ATXN3: variants seen among roughly 807,000 people sequenced by gnomAD.
The protein encoded by ATXN3 is ataxin 3.
Under a neutral mutation model 58.2 loss-of-function variants are expected in ATXN3, and 28 were observed. That is an observed-to-expected ratio of 0.48 (90% CI 0.36 to 0.66). The LOEUF is 0.66. ATXN3 is among the 30% of genes least tolerant of loss of function. The pLI is 0.00. For missense variants in ATXN3, 321 were observed against 422.1 expected (o/e 0.76, Z 2.10); for synonymous variants, 113 against 138.5 (o/e 0.82, Z 1.29).
intron 1 of ATXN3, 133 bp downstream of exon 1, chr14:92,106,396 G>T (rs922593586): frequency 1.8e-6 from 2 of 1,136,002 alleles, no homozygotes; most frequent in Non-Finnish European, 2.6e-6. Flanking sequence ...GGAGGCTGCG[G>T]CGTCGCCCCT....
At chr14:92,106,333 C>T (rs2068375111) in intron 1 of ATXN3, among the ~76,000 whole-genome samples, 196 bp downstream of exon 1, 1 of 151,878 alleles carries the variant, frequency 6.6e-6, no homozygotes. Flanking sequence ...GGGCGGGGGC[C>T]GCGGGGGAAG....
At chr14:92,057,449 G>A (rs1433662585), downstream of ATXN3, among the ~76,000 whole-genome samples, 1 of 147,208 alleles carries the variant, frequency 6.8e-6, no homozygotes, top group African/African-American at 2.5e-5. Context: ...GGGCGCGGGG[G>A]TGGACATGGC....
At chr14:92,082,703 C>T (rs1190210540) in intron 7 of ATXN3, among the ~76,000 whole-genome samples, 4 of 141,126 alleles carry the variant, frequency 2.8e-5, no homozygotes, top group Admixed American at 7.6e-5. Flanking sequence ...GGCTGGAGTG[C>T]GGTAGTGTGA....
chr14:92,053,690 G>A (rs763926435), downstream of ATXN3, among the ~76,000 whole-genome samples: 1 of 151,768 alleles, frequency 6.6e-6, no homozygotes, highest in Non-Finnish European at 1.5e-5. Context: ...GTAGAGATGA[G>A]GTCTCCCTGT....
At chr14:92,078,241 T>C (rs1362165908) in intron 9 of ATXN3, among the ~76,000 whole-genome samples, 1 of 150,934 alleles carries the variant, frequency 6.6e-6, no homozygotes, top group East Asian at 2.0e-4. Context: ...ACCTCAGCCT[T>C]CCAAAGTGCA....
intron 1 of ATXN3, among the ~76,000 whole-genome samples, chr14:92,103,087 C>T (rs1413147305): frequency 6.7e-6 from 1 of 148,542 alleles, no homozygotes; most frequent in Non-Finnish European, 1.5e-5. Flanking sequence ...AGTAACTGCA[C>T]CAAGAAACAT....
chr14:92,102,226 G>C (rs904785388), intron 1 of ATXN3, among the ~76,000 whole-genome samples: 4 of 136,484 alleles, frequency 2.9e-5, no homozygotes, highest in Non-Finnish European at 5.0e-5. Flanking sequence ...AGAAAAGAAA[G>C]AAGGAAGGAA....
At chr14:92,101,957 A>G (rs971906460) in intron 1 of ATXN3, among the ~76,000 whole-genome samples, 6 of 152,102 alleles carry the variant, frequency 3.9e-5, no homozygotes, top group Admixed American at 3.3e-4. Context: ...GATCAAGACC[A>G]TCCTGGCCAA....
Position 92,096,684 on chromosome 14 carries a change from G to C in ATXN3, c.179C>G (p.Thr60Arg). 2 of 1,607,976 alleles carry C rather than the reference G, an allele frequency of 1.2e-6. No individual in the cohort carries two copies. The highest frequency in any genetic ancestry group is 1.7e-6 in the Non-Finnish European group (2 of 1,177,416). The change falls in exon 2 of 11, where the codon ACG becomes AGG. Residue 60 changes from threonine (T) to arginine (R), a missense_variant. Coordinates refer to ENST00000644486, the MANE Select transcript of ATXN3 (RefSeq NM_004993.6). ...GTTTAAAATCAGTACCTGTAAAAAC[G>C]TGCGATAATCTTCACTAGTAACTCC... ...EGGVTSEDYR[T>R]FLQQPSGNMD...
chr14:92,086,565 C>CAAA (rs138766948), intron 6 of ATXN3, among the ~76,000 whole-genome samples: 11 of 98,378 alleles, frequency 1.1e-4, no homozygotes, highest in African/African-American at 3.5e-4. Context: ...AACTCCATCT[C>CAAA]AAAAAAAAAA....
Position 92,064,268 on chromosome 14 carries a change from C to A in ATXN3, c.*52G>T. On this transcript the variant is annotated 3_prime_UTR_variant, in exon 11 of 11. Coordinates refer to ENST00000644486, the MANE Select transcript of ATXN3 (RefSeq NM_004993.6). ...ACCAAAGTGGACCCTATGCTGTAAT[C>A]ACACAGGATAATGTTGGAAAGTATG... The A allele has an allele frequency of 3.0e-6, 4 of 1,330,668 alleles. No homozygotes were observed. The South Asian group carries it at 4.9e-5, about 16-fold the overall frequency. 82.4% of individuals were successfully genotyped at this position (1,330,668 alleles called of 1,614,324 possible).
intron 2 of ATXN3, among the ~76,000 whole-genome samples, chr14:92,046,799 G>A (rs1458471687): frequency 6.6e-6 from 1 of 152,182 alleles, no homozygotes; most frequent in African/African-American, 2.4e-5. Flanking sequence ...TGGGGTTTGA[G>A]AGATCAGTCA....
In ATXN3 at chr14:92,079,185, C is replaced by CAAAAAA. The variant is rs35515547; in HGVS notation, c.872+1774_872+1779dup. 1.7e-4 allele frequency among the ~76,000 whole-genome samples: 13 copies of CAAAAAA among 77,032 alleles called. 2 individuals carry two copies. Among genetic ancestry groups the CAAAAAA allele is most frequent in the African/African-American group, 2.9e-4 (6 of 20,784 alleles). The allele number at this position is 77,032 out of a possible 152,430, so 50.5% of individuals were successfully genotyped here. ...TGGGCAACAGAGCAAGACTCCATCT[C>CAAAAAA]AAAAAAAAAAAAAAAAAAAAGCAAG... On this transcript the variant is annotated intron_variant, in intron 9 of 10. Coordinates refer to ENST00000644486, the MANE Select transcript of ATXN3 (RefSeq NM_004993.6).
rs139050721 is a variant in ATXN3 at position 92,083,203 on chromosome 14, G to A, written c.531C>T (p.Leu177=). The change falls in exon 7 of 11, where the codon CTC becomes CTT. Residue 177 remains leucine (L), a synonymous_variant. Coordinates refer to ENST00000644486, the MANE Select transcript of ATXN3 (RefSeq NM_004993.6). ...TCTGTTGGACCCTAATCATCTGCAG[G>A]AGTTGGTCAGCTTCGCAATCTGGCA... ...GDLPDCEADQ[L]LQMIRVQQMH... 1 of 1,613,678 alleles carries A rather than the reference G, an allele frequency of 6.2e-7. No homozygotes were observed. Among genetic ancestry groups the A allele is most frequent in the Non-Finnish European group, 8.5e-7 (1 of 1,179,922 alleles).
intron 9 of ATXN3, among the ~76,000 whole-genome samples, chr14:92,077,104 T>C (rs1305394490): frequency 1.3e-5 from 2 of 152,052 alleles, no homozygotes; most frequent in Non-Finnish European, 2.9e-5. Context: ...TGATAAGACA[T>C]TTGAGGTGTA....
At chr14:92,100,661 A>T (rs1340643286) in intron 1 of ATXN3, among the ~76,000 whole-genome samples, 1 of 152,188 alleles carries the variant, frequency 6.6e-6, no homozygotes, top group Non-Finnish European at 1.5e-5. Context: ...AAAAGCTCAA[A>T]ATCAGGCAAA....
At chr14:92,083,769 G>A (rs562449919) in intron 6 of ATXN3, among the ~76,000 whole-genome samples, 18 of 152,310 alleles carry the variant, frequency 1.2e-4, no homozygotes, top group Middle Eastern at 6.8e-3. Context: ...GTGTGTCTGC[G>A]AGGGTGTTGC....
Position 92,093,826 on chromosome 14 carries a change from T to G in ATXN3, c.240A>C (p.Ile80=). The G allele has an allele frequency of 6.2e-7, 1 of 1,604,522 alleles. No homozygotes were observed. Among genetic ancestry groups the G allele is most frequent in the Non-Finnish European group, 8.5e-7 (1 of 1,171,446 alleles). Residue 80 remains isoleucine (I), a synonymous_variant, in exon 4 of 11, where the codon ATA becomes ATC. Coordinates refer to ENST00000644486, the MANE Select transcript of ATXN3 (RefSeq NM_004993.6). ...DDSGFFSIQV[I]SNALKVWGLE... ...AACCCCAAACTTTCAAGGCATTGCT[T>G]ATAACCTGTTAAGAAAAATAGCAAC...
intron 5 of ATXN3, 141 bp from the exon 6 acceptor site, chr14:92,088,958 TTGAC>T (rs1453056166): frequency 3.2e-6 from 2 of 623,684 alleles, no homozygotes; most frequent in African/African-American, 3.7e-5. Flanking sequence ...GCTCTTTTCT[TTGAC>T]TGAATAATAT....
Sources: allele counts gnomAD v4.1 joint callset (sites outside exome capture counted in the v4.1 genomes callset), GRCh38; gene constraint gnomAD v4.1.1; transcripts MANE v1.5; gene names NCBI Gene and HGNC (gene_info 2026-07-23, HGNC 2026-07-21).